Variants in INKA2 observed in about 807,000 individuals in gnomAD.
The protein encoded by INKA2 is inka box actin regulator 2.
INKA2 carries 3 observed loss-of-function variants against 9.8 expected under a neutral mutation model. That is an observed-to-expected ratio of 0.31 (90% CI 0.14 to 0.79). The LOEUF (loss-of-function observed/expected upper bound fraction) is 0.79, where lower values mean the gene tolerates loss of function less well. Among genes scored for constraint, INKA2 ranks in the 30% least tolerant of loss-of-function variants. INKA2 has a pLI of 0.62. For missense variants in INKA2, 392 were observed against 384.4 expected (o/e 1.02, Z -0.17); for synonymous variants, 147 against 143.3 (o/e 1.03, Z -0.18).
chr1:111,727,198 G>C lies in INKA2; in HGVS notation c.664C>G (p.Arg222Gly), dbSNP rs768843965. The change falls in exon 2 of 2, where the codon CGT becomes GGT. Residue 222 changes from arginine (R) to glycine (G), a missense_variant. Physicochemically the swap from Arg to Gly is moderately radical, Grantham distance 125. Transcript: ENST00000357260. ...KKFLRSVRPD[R>G]DRLLKEKPGW... is the part of the protein sequence containing the mutation. ...GGCTTCTCCTTCAGCAGCCGGTCAC[G>C]GTCAGGCCGCACACTACGCAAGAAC... is the stretch of plus-strand genomic sequence containing the variant. The C allele has an allele frequency of 6.2e-7, 1 of 1,614,218 alleles. No individual in the cohort carries two copies. The highest frequency in any genetic ancestry group is 1.1e-5 in the South Asian group (1 of 91,090).
rs1413975106 is a variant in INKA2, at chr1:111,726,705, A to C, written c.*263T>G. Reference sequence around the variant, plus strand: ...GAGTGCATGCATGCCAGACAGACACACACATGCACACACACACACACACAC... The same window carrying C: ...GAGTGCATGCATGCCAGACAGACACCCACATGCACACACACACACACACAC... On this transcript the variant is annotated 3_prime_UTR_variant, in exon 2 of 2. Coordinates refer to ENST00000357260, the MANE Select transcript of INKA2 (RefSeq NM_019099.5). The C allele has an allele frequency of 6.1e-6, 3 of 491,580 alleles. No homozygotes were observed. Among genetic ancestry groups the C allele is most frequent in the Non-Finnish European group, 1.1e-5 (3 of 276,240 alleles). 30.5% of individuals were successfully genotyped at this position (491,580 alleles called of 1,614,324 possible). A position where few individuals can be genotyped will look rare whatever the true frequency, so the allele number is the denominator to read the frequency against.
intron 1 of INKA2, among the ~76,000 whole-genome samples, chr1:111,733,940 C>T (rs781711287): frequency 6.6e-5 from 10 of 152,320 alleles, no homozygotes; most frequent in Middle Eastern, 3.4e-3. Flanking sequence ...CCTCACTTCC[C>T]CCACCCCATT....
chr1:111,739,581 C>A (rs1161698567), upstream of INKA2, among the ~76,000 whole-genome samples: 4 of 152,220 alleles, frequency 2.6e-5, no homozygotes, highest in African/African-American at 9.6e-5. Context: ...CTGGGGCTGG[C>A]GAGGACACAC....
chr1:111,724,591 ACACACAC>A lies in INKA2; in HGVS notation c.*2370_*2376del, dbSNP rs1208836794. On this transcript the variant is annotated 3_prime_UTR_variant, in exon 2 of 2. Coordinates refer to ENST00000357260, the MANE Select transcript of INKA2 (RefSeq NM_019099.5). ...CACACACACACACACACACACACAC[ACACACAC>A]ACCACCACTACCACCACCACCACCA... 1 of 151,848 alleles carries A rather than the reference ACACACAC, an allele frequency of 6.6e-6. No homozygotes were observed. Among genetic ancestry groups the A allele is most frequent in the African/African-American group, 2.5e-5 (1 of 40,420 alleles). 9.4% of individuals were successfully genotyped at this position (151,848 alleles called of 1,614,324 possible).
intron 1 of INKA2, among the ~76,000 whole-genome samples, chr1:111,732,537 T>C (rs1354991588): frequency 4.6e-5 from 7 of 150,958 alleles, no homozygotes; most frequent in African/African-American, 1.7e-4. Context: ...GAGCCACCTC[T>C]TTCTAACCCA....
chr1:111,743,001 G>A (rs1038057235), upstream of INKA2, among the ~76,000 whole-genome samples: 1 of 152,214 alleles, frequency 6.6e-6, no homozygotes, highest in African/African-American at 2.4e-5. Flanking sequence ...CAGGCAGGTG[G>A]CAAAAGTAGG....
chr1:111,752,059 C>CTA (rs1557917958), intron 1 of INKA2, among the ~76,000 whole-genome samples: 1 of 152,034 alleles, frequency 6.6e-6, no homozygotes, highest in Admixed American at 6.6e-5. Context: ...GCATGATGAC[C>CTA]ATTACCATTT....
At chr1:111,755,605 G>A (rs908683978) in intron 1 of INKA2, 1 of 1,453,446 alleles carries the variant, frequency 6.9e-7, no homozygotes, top group Non-Finnish European at 9.3e-7. Context: ...CCGGGGGCAC[G>A]GCTGGGCGGC....
intron 1 of INKA2, among the ~76,000 whole-genome samples, chr1:111,737,759 G>C (rs2076587): frequency 6.6e-6 from 1 of 152,078 alleles, no homozygotes; most frequent in Non-Finnish European, 1.5e-5. Flanking sequence ...TTTTGCATCT[G>C]AGTGTCACCA....
Position 111,727,326 on chromosome 1 carries a change from C to T in INKA2, c.536G>A (p.Gly179Glu). 2 of 1,614,206 alleles carry T rather than the reference C, an allele frequency of 1.2e-6. No individual in the cohort carries two copies. The highest frequency in any genetic ancestry group is 2.2e-5 in the South Asian group (2 of 91,078). Residue 179 changes from glycine (G) to glutamate (E), a missense_variant, in exon 2 of 2, where the codon GGG becomes GAG. Transcript: ENST00000357260. ...WLDLPELEKGGEKGETGGARE... is the reference protein window; with the variant it reads ...WLDLPELEKGEEKGETGGARE... ...TGCCCCCCCAGTCTCACCCTTCTCC[C>T]CACCCTTCTCCAGTTCTGGCAAGTC...
Position 111,727,414 on chromosome 1 carries a change from G to C in INKA2, c.448C>G (p.Arg150Gly), listed in dbSNP as rs374661986. Residue 150 changes from arginine (R) to glycine (G), a missense_variant, in exon 2 of 2, where the codon CGG becomes GGG. By Grantham distance (125) the Arg-to-Gly change is moderately radical. Transcript: ENST00000357260. Reference sequence around the variant, plus strand: ...CCTAACACCAGAGGCTGTCGATTCCGGCCCCGGGACATCAACGTGGAGGTC... The same window carrying C: ...CCTAACACCAGAGGCTGTCGATTCCCGCCCCGGGACATCAACGTGGAGGTC... ...DWTSTLMSRG[R>G]NRQPLVLGDN... 1.9e-6 allele frequency: 3 copies of C among 1,614,062 alleles called. No individual in the cohort carries two copies. The highest frequency in any genetic ancestry group is 1.1e-5 in the South Asian group (1 of 91,064).
rs372833548 is a variant in INKA2 at position 111,727,307 on chromosome 1, C to A, written c.555G>T (p.Gly185=). Residue 185 remains glycine (G), a synonymous_variant, in exon 2 of 2, where the codon GGG becomes GGT. Transcript: ENST00000357260. ...TCTCTCCTTTGGGTTCACGTGCCCC[C>A]CCAGTCTCACCCTTCTCCCCACCCT... ...LEKGGEKGET[G]GAREPKGEKG... The A allele has an allele frequency of 2.5e-6, 4 of 1,614,206 alleles. No individual in the cohort carries two copies. In the East Asian group the frequency reaches 6.7e-5, roughly 27 times the overall value.
chr1:111,739,406 C>A (rs1220870266), upstream of INKA2: 1 of 1,469,226 alleles, frequency 6.8e-7, no homozygotes, highest in Admixed American at 2.6e-5. Context: ...GCTTCCCCAG[C>A]GGCTAGCCGC....
At position 111,726,869 on chromosome 1, in the gene INKA2, G is replaced by T; in HGVS notation, c.*99C>A. ...TTCTGGGGGAAAGGAACTTGGAGTT[G>T]GGCTTTCGAGAGCCATACCGCCCAC... On this transcript the variant is annotated 3_prime_UTR_variant, in exon 2 of 2. Coordinates refer to ENST00000357260, the MANE Select transcript of INKA2 (RefSeq NM_019099.5). The T allele has an allele frequency of 1.7e-6, 2 of 1,196,664 alleles. No homozygotes were observed. The highest frequency in any genetic ancestry group is 2.4e-6 in the Non-Finnish European group (2 of 842,188). The allele number at this position is 1,196,664 out of a possible 1,614,324, so 74.1% of individuals were successfully genotyped here. A position where few individuals can be genotyped will look rare whatever the true frequency, so the allele number is the denominator to read the frequency against.
At chr1:111,727,948 T>G (rs910604211) in intron 1 of INKA2, 144 bp from the exon 2 acceptor site, 11 of 765,000 alleles carry the variant, frequency 1.4e-5, no homozygotes, top group Non-Finnish European at 2.5e-5. Flanking sequence ...TATAGCCTAG[T>G]GCAGTGCAGA....
intron 1 of INKA2, among the ~76,000 whole-genome samples, chr1:111,731,894 G>T (rs937697240): frequency 4.6e-5 from 7 of 152,336 alleles, no homozygotes; most frequent in Non-Finnish European, 1.0e-4. Context: ...CAAGGAGAAG[G>T]TCCTGTTTTT....
Position 111,727,700 on chromosome 1 carries a change from C to A in INKA2, c.162G>T (p.Gln54His), listed in dbSNP as rs764672851. 14 of 1,613,556 alleles carry A rather than the reference C, an allele frequency of 8.7e-6. No individual in the cohort carries two copies. In the Admixed American group the frequency reaches 1.5e-4, roughly 17 times the overall value. ...CAGGACCCCCTCCAGAGATCTCCAG[C>A]TGTTCCAGTGCTGTCTGCACCTGGA... ...KLLQVQTALE[Q>H]LEISGGGPVP... is the part of the protein sequence containing the mutation. The change falls in exon 2 of 2, where the codon CAG (glutamine) becomes CAT (histidine). Residue 54 changes from glutamine (Q) to histidine (H), a missense_variant. Gln to His is a conservative substitution (Grantham distance 24). Transcript: ENST00000357260.
intron 1 of INKA2, among the ~76,000 whole-genome samples, chr1:111,737,741 T>G (rs1343025821): frequency 2.0e-5 from 3 of 152,140 alleles, no homozygotes; most frequent in Non-Finnish European, 4.4e-5. Flanking sequence ...TATCTCTGAG[T>G]CAGTGACTTT....
In INKA2 at chr1:111,726,891, C is replaced by A. The variant is rs2101353723; in HGVS notation, c.*77G>T. 7.0e-7 allele frequency: 1 copy of A among 1,425,494 alleles called. No individual in the cohort carries two copies. Among genetic ancestry groups the A allele is most frequent in the Non-Finnish European group, 9.6e-7 (1 of 1,043,266 alleles). The allele number at this position is 1,425,494 out of a possible 1,614,324, so 88.3% of individuals were successfully genotyped here. On this transcript the variant is annotated 3_prime_UTR_variant, in exon 2 of 2. Coordinates refer to ENST00000357260, the MANE Select transcript of INKA2 (RefSeq NM_019099.5). ...GTTGGGCTTTCGAGAGCCATACCGC[C>A]CACCCTCCCTCCTCCCCAGGGGCCC...
Sources: gnomAD v4.1 joint callset for allele counts (sites outside exome capture counted in the v4.1 genomes callset) on GRCh38, gnomAD v4.1.1 for gene constraint, MANE v1.5 for transcripts, NCBI Gene and HGNC (gene_info 2026-07-23, HGNC 2026-07-21) for gene names.